CRYBG1: variants seen among roughly 807,000 people sequenced by gnomAD.
CRYBG1 encodes the protein crystallin beta-gamma domain containing 1.
Under a neutral mutation model 189.2 loss-of-function variants are expected in CRYBG1, and 139 were observed. The ratio of observed to expected loss-of-function variants is 0.73; its 90% CI spans 0.64 to 0.85. The LOEUF (loss-of-function observed/expected upper bound fraction) is 0.85, where lower values mean the gene tolerates loss of function less well. Among genes scored for constraint, CRYBG1 ranks in the 40% least tolerant of loss-of-function variants. The pLI, the probability that CRYBG1 is intolerant of heterozygous loss-of-function variation, is 0.00. For missense variants in CRYBG1, 2,611 were observed against 2,675.8 expected (o/e 0.98, Z 0.53); for synonymous variants, 1,023 against 1,017.1 (o/e 1.01, Z -0.11).
chr6:106,388,803 G>A (rs534249064), intron 1 of CRYBG1, among the ~76,000 whole-genome samples: 1 of 152,252 alleles, frequency 6.6e-6, no homozygotes, highest in Non-Finnish European at 1.5e-5. Flanking sequence ...TTTGGTTATC[G>A]CCATCTTGTA....
intron 1 of CRYBG1, among the ~76,000 whole-genome samples, chr6:106,398,161 G>A (rs372195699): frequency 3.9e-5 from 6 of 152,170 alleles, no homozygotes; most frequent in African/African-American, 7.2e-5. Flanking sequence ...GCTTTTAAAG[G>A]TTCTCAGATC....
At position 106,438,441 on chromosome 6, in the gene CRYBG1, G is replaced by A. The variant is rs577488252; in HGVS notation, c.174-13253G>A. Among the ~76,000 whole-genome samples the A allele has an allele frequency of 5.4e-4, 82 of 152,172 alleles. 1 individual carries two copies. In the South Asian group the frequency reaches 8.9e-3, roughly 17 times the overall value. ...CCAAAATCAAAGTTTCAGCAGGACC[G>A]TGCTCCTTCTGAAGGCTCTAGGGAA... On this transcript the variant is annotated intron_variant, in intron 1 of 21. Transcript: ENST00000633556.
chr6:106,447,947 A>G (rs1312626130), intron 1 of CRYBG1, among the ~76,000 whole-genome samples: 2 of 152,212 alleles, frequency 1.3e-5, no homozygotes, highest in Admixed American at 6.5e-5. Flanking sequence ...CACGATTTCA[A>G]GTGTATTATT....
At chr6:106,487,059 C>G (rs62420850) in intron 2 of CRYBG1, among the ~76,000 whole-genome samples, 11,647 of 151,962 alleles carry the variant, frequency 0.077, 680 homozygotes, top group Non-Finnish European at 0.13. Context: ...TTTCCTTTCT[C>G]TTTGTTGTTT....
intron 1 of CRYBG1, among the ~76,000 whole-genome samples, chr6:106,442,149 A>G (rs35289246): frequency 0.12 from 17,926 of 152,230 alleles, 1,292 homozygotes; most frequent in African/African-American, 0.2. Flanking sequence ...GAGTTCAGAA[A>G]ATACAATAAA....
chr6:106,480,931 A>C (rs977217581), intron 2 of CRYBG1, among the ~76,000 whole-genome samples: 4 of 143,986 alleles, frequency 2.8e-5, no homozygotes, highest in African/African-American at 1.0e-4. Context: ...AGATCATGCC[A>C]CTGCACTCCA....
intron 1 of CRYBG1, among the ~76,000 whole-genome samples, chr6:106,439,698 T>C (rs1771532962): frequency 6.6e-6 from 1 of 151,122 alleles, no homozygotes; most frequent in Non-Finnish European, 1.5e-5. Flanking sequence ...CCTCAACCAG[T>C]GGCACAAGAA....
At chr6:106,423,660 C>T (rs1475514886) in intron 1 of CRYBG1, among the ~76,000 whole-genome samples, 3 of 147,202 alleles carry the variant, frequency 2.0e-5, no homozygotes, top group African/African-American at 7.5e-5. Context: ...ATCTCCTCTT[C>T]TCCTCCAGCC....
At chr6:106,422,344 A>ATTTTTTTTTTTTTTTTTTT (rs145135507) in intron 1 of CRYBG1, among the ~76,000 whole-genome samples, 17 of 139,984 alleles carry the variant, frequency 1.2e-4, no homozygotes, top group African/African-American at 4.0e-4. Flanking sequence ...TTATTTATTT[A>ATTTTTTTTTTTTTTTTTTT]TTTTTGAGAC....
At chr6:106,560,727 C>G in intron 18 of CRYBG1, 76 bp from the exon 19 acceptor site, 1 of 1,502,330 alleles carries the variant, frequency 6.7e-7, no homozygotes, top group Non-Finnish European at 9.0e-7. Flanking sequence ...AAATGGAAAG[C>G]ATTCTAAAAA....
chr6:106,521,151 A>T lies in CRYBG1; in HGVS notation c.3943A>T (p.Asn1315Tyr). 1 of 1,614,188 alleles carries T rather than the reference A, an allele frequency of 6.2e-7. No homozygotes were observed. Residue 1315 changes from asparagine (N) to tyrosine (Y), a missense_variant, in exon 4 of 22, where the codon AAC becomes TAC. This residue lies in a region of CRYBG1 where 1,622 missense variants were observed against 1,735.0 expected (regional missense o/e 0.93). Transcript: ENST00000633556. ...CAACTCCTTAAAGGTCTTCAATTTC[A>T]ACTCGTCAAGTACATCACACTCCAG... is the stretch of plus-strand genomic sequence containing the variant. ...PDNSLKVFNF[N>Y]SSSTSHSSLK...
chr6:106,551,724 A>G, intron 13 of CRYBG1, 128 bp from the exon 14 acceptor site: 2 of 1,034,490 alleles, frequency 1.9e-6, no homozygotes. Context: ...TTAATGGAGA[A>G]TCAGAAAAAT....
At chr6:106,497,555 A>G (rs1462425013) in intron 2 of CRYBG1, among the ~76,000 whole-genome samples, 2 of 152,170 alleles carry the variant, frequency 1.3e-5, no homozygotes, top group African/African-American at 4.8e-5. Flanking sequence ...GTTCATGTTT[A>G]CGTGTGTGTG....
intron 1 of CRYBG1, among the ~76,000 whole-genome samples, chr6:106,407,446 A>T (rs2114365673): frequency 6.6e-6 from 1 of 152,300 alleles, no homozygotes; most frequent in African/African-American, 2.4e-5. Flanking sequence ...GGGAGACTTT[A>T]AAACCCCACT....
intron 1 of CRYBG1, among the ~76,000 whole-genome samples, chr6:106,375,385 T>TTAAGTAAGTAAG (rs3067978): frequency 2.6e-4 from 38 of 145,094 alleles, no homozygotes; most frequent in South Asian, 7.0e-4. Context: ...GGCCCTGTCT[T>TTAAGTAAGTAAG]TAAGTAAGTA....
intron 3 of CRYBG1, among the ~76,000 whole-genome samples, chr6:106,513,241 C>T (rs545233331): frequency 1.3e-5 from 2 of 152,312 alleles, no homozygotes; most frequent in Admixed American, 1.3e-4. Context: ...TCAGTTAATT[C>T]CCTTTTTAAC....
chr6:106,437,497 T>C (rs1410313119), intron 1 of CRYBG1, among the ~76,000 whole-genome samples: 1 of 152,164 alleles, frequency 6.6e-6, no homozygotes, highest in Non-Finnish European at 1.5e-5. Flanking sequence ...AGTACAGAGG[T>C]ACAATGTTTG....
chr6:106,466,200 C>T (rs1234622162), intron 2 of CRYBG1, among the ~76,000 whole-genome samples: 1 of 152,096 alleles, frequency 6.6e-6, no homozygotes, highest in Admixed American at 6.5e-5. Context: ...ATGGCTATCA[C>T]CCAAAGTACT....
chr6:106,402,174 C>T (rs1770732692), intron 1 of CRYBG1, among the ~76,000 whole-genome samples: 1 of 120,942 alleles, frequency 8.3e-6, no homozygotes, highest in Non-Finnish European at 1.7e-5. Flanking sequence ...AAGAACATTC[C>T]ATGCTCATGG....
Sources: gnomAD v4.1 joint callset for allele counts (sites outside exome capture counted in the v4.1 genomes callset) on GRCh38, gnomAD v4.1.1 for gene constraint, gnomAD v4.1.1 regional missense constraint, MANE v1.5 for transcripts, NCBI Gene and HGNC (gene_info 2026-07-23, HGNC 2026-07-21) for gene names.